Variants in CEMIP observed in about 807,000 individuals in gnomAD.
CEMIP encodes cell migration inducing hyaluronidase 1, also known as cell migration-inducing and hyaluronan-binding protein.
A neutral mutation model predicts 156.9 loss-of-function variants in CEMIP; 105 were observed. That is an observed-to-expected ratio of 0.67 (90% CI 0.57 to 0.79). The LOEUF is 0.79. CEMIP is among the 30% of genes least tolerant of loss of function. The pLI, the probability that CEMIP is intolerant of heterozygous loss-of-function variation, is 0.00. For missense variants in CEMIP, 1,457 were observed against 1,769.4 expected, an observed-to-expected ratio of 0.82 and a Z score of 3.17; for synonymous variants, 676 against 668.4, an observed-to-expected ratio of 1.01 and a Z score of -0.17.
intron 1 of CEMIP, among the ~76,000 whole-genome samples, chr15:80,836,607 T>C (rs1198778171): frequency 8.2e-6 from 1 of 121,970 alleles, no homozygotes; most frequent in Non-Finnish European, 1.9e-5. Context: ...TCTTTTGTTT[T>C]TCCTTTTCCT....
chr15:80,851,671 C>T (rs563894885), intron 1 of CEMIP, among the ~76,000 whole-genome samples: 2 of 152,182 alleles, frequency 1.3e-5, no homozygotes, highest in South Asian at 2.1e-4. Flanking sequence ...TGATAAAAGG[C>T]ACAGACCATG....
At chr15:80,827,347 T>A (rs1211774752) in intron 1 of CEMIP, among the ~76,000 whole-genome samples, 1 of 152,156 alleles carries the variant, frequency 6.6e-6, no homozygotes, top group African/African-American at 2.4e-5. Context: ...TAGTTTTCAG[T>A]CCAAAGTCAA....
At chr15:80,946,891 C>A in intron 28 of CEMIP, 74 bp from the exon 29 acceptor site, 1 of 1,019,580 alleles carries the variant, frequency 9.8e-7, no homozygotes, top group Non-Finnish European at 1.5e-6. Context: ...CATGCACAAA[C>A]CAACATCCCT....
intron 1 of CEMIP, among the ~76,000 whole-genome samples, chr15:80,828,408 A>T (rs1482734275): frequency 6.6e-6 from 1 of 152,150 alleles, no homozygotes; most frequent in Admixed American, 6.5e-5. Flanking sequence ...GCCGAATGCC[A>T]CGCAGCAGTC....
chr15:80,808,368 C>A (rs1463727536), intron 1 of CEMIP, among the ~76,000 whole-genome samples: 1 of 152,186 alleles, frequency 6.6e-6, no homozygotes, highest in Non-Finnish European at 1.5e-5. Flanking sequence ...ACTGCCCCCA[C>A]TTAGGCAGCT....
chr15:80,846,927 A>T (rs1370150041), intron 1 of CEMIP, among the ~76,000 whole-genome samples: 1 of 152,244 alleles, frequency 6.6e-6, no homozygotes, highest in Non-Finnish European at 1.5e-5. Flanking sequence ...CGTTTTTAAA[A>T]GATCAAGTCC....
chr15:80,839,851 G>A (rs1382394974), intron 1 of CEMIP, among the ~76,000 whole-genome samples: 2 of 152,184 alleles, frequency 1.3e-5, no homozygotes, highest in African/African-American at 2.4e-5. Flanking sequence ...CAGGCAAAGT[G>A]CTAGACACGC....
At chr15:80,920,045 C>A (rs766191791) in intron 14 of CEMIP, 49 bp from the exon 15 acceptor site, 2 of 1,563,190 alleles carry the variant, frequency 1.3e-6, no homozygotes, top group Admixed American at 3.3e-5. Flanking sequence ...TGAATGAGCA[C>A]ATGAATAACT....
chr15:80,888,642 CACAACTTTT>C, intron 8 of CEMIP, 50 bp from the exon 9 acceptor site: 1 of 1,481,922 alleles, frequency 6.7e-7, no homozygotes, highest in South Asian at 1.1e-5. Flanking sequence ...GCCTTGGAGT[CACAACTTTT>C]TGAATTTGGG....
chr15:80,930,402 A>C (rs1056281607), intron 21 of CEMIP, among the ~76,000 whole-genome samples: 1 of 152,218 alleles, frequency 6.6e-6, no homozygotes, highest in Non-Finnish European at 1.5e-5. Flanking sequence ...GATCCTGTTT[A>C]TGGAAACCTG....
chr15:80,922,485 T>A (rs1596193691), intron 17 of CEMIP, among the ~76,000 whole-genome samples: 1 of 152,194 alleles, frequency 6.6e-6, no homozygotes, highest in Non-Finnish European at 1.5e-5. Context: ...CGGGGCTGGG[T>A]GTAGCCTCAA....
rs1265808721 is a variant in CEMIP at position 80,879,700 on chromosome 15, A to G, written c.242-16A>G. ...ACACTGTGTTATTAAACCTCCCCCC[A>G]ATGCTACCTCTTCAGGCAAGCTGGT... On this transcript the variant is annotated splice_polypyrimidine_tract_variant and intron_variant, in intron 4 of 29. Transcript: ENST00000394685. 2 of 1,613,998 alleles carry G rather than the reference A, an allele frequency of 1.2e-6. No homozygotes were observed. The highest frequency in any genetic ancestry group is 1.7e-5 in the Admixed American group (1 of 60,002).
chr15:80,848,867 G>C (rs896304031), intron 1 of CEMIP, among the ~76,000 whole-genome samples: 6 of 130,430 alleles, frequency 4.6e-5, no homozygotes, highest in African/African-American at 1.8e-4. Flanking sequence ...ACCTCCTCAT[G>C]GTCAGTGTGT....
intron 1 of CEMIP, among the ~76,000 whole-genome samples, chr15:80,780,084 C>G (rs994316117): frequency 3.3e-5 from 5 of 152,146 alleles, no homozygotes; most frequent in African/African-American, 1.2e-4. Flanking sequence ...AGCAACAGGT[C>G]TGCGCCCTGC....
In CEMIP at chr15:80,925,632, C is replaced by T; in HGVS notation, c.2297C>T (p.Pro766Leu). 2.5e-6 allele frequency: 4 copies of T among 1,612,816 alleles called. No homozygotes were observed. The Admixed American group carries it at 5.0e-5, about 20-fold the overall frequency. ...CCATGGTTGTGCTGCAGATACAGCC[C>T]TCACCAGGACGCCGACCCGCTGAAG... ...FLSIISARYSPHQDADPLKPR... is the reference protein window; with the variant it reads ...FLSIISARYSLHQDADPLKPR... The change falls in exon 19 of 30, where the codon CCT becomes CTT. Residue 766 changes from proline (P) to leucine (L), a missense_variant. Pro to Leu is a moderately conservative substitution (Grantham distance 98). Around this residue, in one of 5 missense-constraint regions of CEMIP, gnomAD observed 798 missense variants for 980.1 expected, o/e 0.81. Coordinates refer to ENST00000394685, the MANE Select transcript of CEMIP (RefSeq NM_001293298.2).
At chr15:80,937,733 C>T in intron 24 of CEMIP, 61 bp from the exon 25 acceptor site, 1 of 1,526,778 alleles carries the variant, frequency 6.5e-7, no homozygotes, top group South Asian at 1.1e-5. Context: ...CCAAGGCATG[C>T]TCCAAAGGCC....
intron 15 of CEMIP, among the ~76,000 whole-genome samples, chr15:80,920,594 G>T (rs1900436047): frequency 6.6e-6 from 1 of 152,180 alleles, no homozygotes; most frequent in Admixed American, 6.5e-5. Flanking sequence ...TTGATGAGAG[G>T]AAGTGGCTGA....
At chr15:80,934,426 A>G (rs1302092579) in intron 23 of CEMIP, among the ~76,000 whole-genome samples, 1 of 152,226 alleles carries the variant, frequency 6.6e-6, no homozygotes, top group African/African-American at 2.4e-5. Context: ...AATATTAGTT[A>G]GCTATTATTA....
chr15:80,840,485 T>G (rs1194875593), intron 1 of CEMIP, among the ~76,000 whole-genome samples: 1 of 152,108 alleles, frequency 6.6e-6, no homozygotes, highest in Non-Finnish European at 1.5e-5. Context: ...TTTAAATGTT[T>G]GTTTGGGTTT....
Sources: gnomAD v4.1 joint callset for allele counts (sites outside exome capture counted in the v4.1 genomes callset) on GRCh38, gnomAD v4.1.1 for gene constraint, gnomAD v4.1.1 regional missense constraint, MANE v1.5 for transcripts, NCBI Gene and HGNC (gene_info 2026-07-23, HGNC 2026-07-21) for gene names.